Variants in WDR88 observed in about 807,000 individuals in gnomAD.
WDR88 encodes WD repeat-containing protein 88.
WDR88 carries 40 observed loss-of-function variants against 46.8 expected under a neutral mutation model. The observed-to-expected ratio is 0.86, with a 90% CI of 0.66 to 1.11. The LOEUF (loss-of-function observed/expected upper bound fraction) is 1.11. Ranked by LOEUF, WDR88 falls within the 50% of genes most tolerant of loss-of-function variation. The pLI is 0.00. For synonymous variants in WDR88, 235 were observed against 240.7 expected, an observed-to-expected ratio of 0.98 and a Z score of 0.22; for missense variants, 562 against 602.4, an observed-to-expected ratio of 0.93 and a Z score of 0.70.
At chr19:33,172,130 T>C (rs1441569547) in intron 9 of WDR88, among the ~76,000 whole-genome samples, 1 of 152,182 alleles carries the variant, frequency 6.6e-6, no homozygotes, top group African/African-American at 2.4e-5. Flanking sequence ...GACTCATCTA[T>C]TTATATTCTT....
chr19:33,166,282 CAAAAAAAA>C (rs34053341), intron 9 of WDR88, among the ~76,000 whole-genome samples: 1 of 55,558 alleles, frequency 1.8e-5, no homozygotes, highest in Non-Finnish European at 3.6e-5. Context: ...GTTGTGGTCT[CAAAAAAAA>C]AAAAAAAAAA....
chr19:33,161,012 A>C (rs1461965709), intron 8 of WDR88, among the ~76,000 whole-genome samples: 2 of 151,972 alleles, frequency 1.3e-5, no homozygotes, highest in Non-Finnish European at 2.9e-5. Flanking sequence ...GTCTCTACTA[A>C]AAATACAAAA....
At chr19:33,173,091 CAAAAAAAAAAAAAAAAAAA>C (rs60495323) in intron 10 of WDR88, among the ~76,000 whole-genome samples, 1 of 57,278 alleles carries the variant, frequency 1.7e-5, no homozygotes, top group Non-Finnish European at 2.9e-5. Context: ...GACTCTGTCT[CAAAAAAAAAAAAAAAAAAA>C]AAAAAAAAAG....
intron 8 of WDR88, among the ~76,000 whole-genome samples, chr19:33,161,093 A>T (rs1251818645): frequency 6.6e-6 from 1 of 152,142 alleles, no homozygotes; most frequent in African/African-American, 2.4e-5. Flanking sequence ...GGATCGCTTG[A>T]ACCCGGGAGG....
chr19:33,137,831 C>T, intron 2 of WDR88, 44 bp downstream of exon 2: 1 of 1,558,900 alleles, frequency 6.4e-7, no homozygotes, highest in East Asian at 2.3e-5. Flanking sequence ...AAAACCTTTC[C>T]TAAGCTTAGG....
intron 2 of WDR88, among the ~76,000 whole-genome samples, chr19:33,139,519 G>A (rs1037230434): frequency 6.6e-6 from 1 of 152,136 alleles, no homozygotes; most frequent in African/African-American, 2.4e-5. Flanking sequence ...CGGGGAAGAG[G>A]ATAGCCCCTC....
chr19:33,149,429 C>A (rs1973587444), intron 5 of WDR88, among the ~76,000 whole-genome samples: 1 of 152,178 alleles, frequency 6.6e-6, no homozygotes, highest in African/African-American at 2.4e-5. Flanking sequence ...GTGCTTTTAA[C>A]AAAGGACACA....
intron 2 of WDR88, among the ~76,000 whole-genome samples, chr19:33,141,223 G>A (rs1260939585): frequency 1.2e-5 from 1 of 82,676 alleles, no homozygotes; most frequent in East Asian, 4.2e-4. Context: ...AGGTGTGGGA[G>A]CATGTTTTTT....
chr19:33,175,004 G>A (rs1740564381), intron 10 of WDR88: 1 of 985,388 alleles, frequency 1.0e-6, no homozygotes, highest in Non-Finnish European at 1.2e-6. Flanking sequence ...GGCTGCCAAG[G>A]TGGGTGGATC....
intron 1 of WDR88, among the ~76,000 whole-genome samples, chr19:33,133,198 T>TATAGAG (rs1555723214): frequency 0.015 from 1,193 of 79,630 alleles, 15 homozygotes; most frequent in African/African-American, 0.036. Flanking sequence ...TAAATAAATA[T>TATAGAG]AGAGAGAGAG....
At chr19:33,133,689 C>G (rs1358495682) in intron 1 of WDR88, among the ~76,000 whole-genome samples, 3 of 152,218 alleles carry the variant, frequency 2.0e-5, no homozygotes, top group Non-Finnish European at 4.4e-5. Context: ...GGCGATCTGC[C>G]TGTGGCCTTC....
At chr19:33,135,054 GGT>G (rs142696767) in intron 1 of WDR88, among the ~76,000 whole-genome samples, 43,396 of 135,948 alleles carry the variant, frequency 0.32, 7,034 homozygotes, top group Admixed American at 0.46. Flanking sequence ...GGGGTGGGTG[GGT>G]GGGGGGGGTG....
intron 7 of WDR88, among the ~76,000 whole-genome samples, chr19:33,159,712 C>A (rs1305895779): frequency 6.6e-6 from 1 of 152,084 alleles, no homozygotes; most frequent in Non-Finnish European, 1.5e-5. Context: ...ACCTTTCTGG[C>A]GCCAGGGACA....
At chr19:33,159,912 A>G (rs1973835125) in intron 7 of WDR88, among the ~76,000 whole-genome samples, 1 of 151,918 alleles carries the variant, frequency 6.6e-6, no homozygotes, top group Non-Finnish European at 1.5e-5. Flanking sequence ...CTGCAACTAG[A>G]TGGTCCCATC....
At chr19:33,153,620 G>T (rs1056808948) in intron 6 of WDR88, among the ~76,000 whole-genome samples, 3 of 151,936 alleles carry the variant, frequency 2.0e-5, no homozygotes, top group Non-Finnish European at 2.9e-5. Context: ...TCAGCCTCCC[G>T]AGTAGGTGGG....
chr19:33,157,259 G>A (rs113307615), intron 7 of WDR88, among the ~76,000 whole-genome samples: 1 of 151,410 alleles, frequency 6.6e-6, no homozygotes, highest in Non-Finnish European at 1.5e-5. Context: ...CACTTTGGGA[G>A]GCTGAGGTGG....
chr19:33,149,024 A>G (rs1973577736), intron 5 of WDR88, 114 bp downstream of exon 5: 5 of 1,481,638 alleles, frequency 3.4e-6, no homozygotes, highest in Non-Finnish European at 4.6e-6. Context: ...GGTATGAAGC[A>G]CGTCATTAAA....
chr19:33,164,302 G>A (rs375099818), intron 9 of WDR88, 37 bp downstream of exon 9: 114 of 1,583,822 alleles, frequency 7.2e-5, no homozygotes, highest in Middle Eastern at 5.0e-4. Context: ...GATCACGTTC[G>A]CCAGGATTGG....
chr19:33,162,034 G>A (rs748779645), intron 8 of WDR88, among the ~76,000 whole-genome samples: 5 of 152,106 alleles, frequency 3.3e-5, no homozygotes, highest in Admixed American at 6.5e-5. Flanking sequence ...TACACTAAGC[G>A]GTTTAACCTT....
Sources: allele counts gnomAD v4.1 joint callset (sites outside exome capture counted in the v4.1 genomes callset), GRCh38; gene constraint gnomAD v4.1.1; transcripts MANE v1.5; gene names NCBI Gene and HGNC (gene_info 2026-07-23, HGNC 2026-07-21).